Variants in FAAH2 observed in about 807,000 individuals in gnomAD.
FAAH2 encodes fatty-acid amide hydrolase 2.
FAAH2 carries 60 observed loss-of-function variants against 36.9 expected under a neutral mutation model. The observed-to-expected ratio is 1.63, with a 90% confidence interval of 1.32 to 2.02. The LOEUF (loss-of-function observed/expected upper bound fraction) is 2.02. Among genes scored for constraint, FAAH2 ranks in the 30% most tolerant of loss-of-function variants. FAAH2 has a pLI of 0.00. For missense variants in FAAH2, 689 were observed against 397.5 expected (o/e 1.73, Z -6.23); for synonymous variants, 214 against 143.8 (o/e 1.49, Z -3.49).
chrX:57,232,844 C>G, the FAAH2 span, among the ~76,000 whole-genome samples: 2 of 112,392 alleles, frequency 1.8e-5, no homozygotes, highest in African/African-American at 6.5e-5. Context: ...AGTGGTATCT[C>G]TACAAACTCT....
rs1184205858 is a variant in FAAH2 at position 57,460,089 on chromosome X, G to A, written c.1423+11371G>A. 1.6e-4 allele frequency among the ~76,000 whole-genome samples: 18 copies of A among 110,615 alleles called. No homozygotes were observed. In the Admixed American group the frequency reaches 1.7e-3, roughly 11 times the overall value. ...TGTTCTAAACCAATGCAAGGAAGGC[G>A]TGAAGACAAGATTAGAGAAAAAAGA... On this transcript the variant is annotated intron_variant, in intron 10 of 10. Transcript: ENST00000374900.
At chrX:57,164,358 T>C in the FAAH2 span, among the ~76,000 whole-genome samples, 5 of 112,266 alleles carry the variant, frequency 4.5e-5, no homozygotes, top group Admixed American at 1.9e-4. Context: ...AGATTAGGAC[T>C]CCAGATTCCA....
chrX:57,186,005 C>T, the FAAH2 span, among the ~76,000 whole-genome samples: 1 of 111,216 alleles, frequency 9.0e-6, no homozygotes, highest in Admixed American at 9.6e-5. Flanking sequence ...ATTGCTATTG[C>T]AAATAGTGCT....
intron 3 of FAAH2, among the ~76,000 whole-genome samples, chrX:57,323,295 C>T (rs926692943): frequency 9.9e-5 from 11 of 111,509 alleles, no homozygotes; most frequent in Admixed American, 6.7e-4. Context: ...AATAAACATA[C>T]GTGTGCATGT....
At chrX:57,387,454 T>A (rs765496422) in intron 7 of FAAH2, among the ~76,000 whole-genome samples, 1 of 110,834 alleles carries the variant, frequency 9.0e-6, no homozygotes, top group East Asian at 2.8e-4. Context: ...ATATCAGCAA[T>A]AACCAGATAA....
intron 7 of FAAH2, among the ~76,000 whole-genome samples, chrX:57,427,956 A>G (rs986879582): frequency 1.1e-4 from 12 of 111,907 alleles, no homozygotes; most frequent in African/African-American, 3.6e-4. Context: ...AAAAGAAGTC[A>G]AATTATTTCT....
chrX:57,193,182 C>T, the FAAH2 span, among the ~76,000 whole-genome samples: 1 of 111,744 alleles, frequency 8.9e-6, no homozygotes, highest in East Asian at 2.8e-4. Flanking sequence ...AGAGAATGTG[C>T]CCCTGAGGGT....
the FAAH2 span, among the ~76,000 whole-genome samples, chrX:57,236,452 C>T: frequency 2.7e-5 from 3 of 112,326 alleles, no homozygotes; most frequent in Admixed American, 2.8e-4. Context: ...GTCTACAATC[C>T]TAGCAGTAGT....
chrX:57,238,120 C>T, the FAAH2 span, among the ~76,000 whole-genome samples: 1 of 111,453 alleles, frequency 9.0e-6, no homozygotes, highest in Admixed American at 9.5e-5. Flanking sequence ...ACAGAAATAC[C>T]ATTCAACCCA....
At chrX:57,399,232 G>T (rs1219664067) in intron 7 of FAAH2, among the ~76,000 whole-genome samples, 2 of 111,614 alleles carry the variant, frequency 1.8e-5, no homozygotes, top group Non-Finnish European at 1.9e-5. Flanking sequence ...CAGTGCAGGG[G>T]ATTATTTCTT....
chrX:57,348,920 G>A (rs1290828555), intron 5 of FAAH2, among the ~76,000 whole-genome samples: 1 of 106,935 alleles, frequency 9.4e-6, no homozygotes, highest in East Asian at 2.9e-4. Flanking sequence ...TAATTCACCA[G>A]CAAGAGATTC....
intron 8 of FAAH2, among the ~76,000 whole-genome samples, chrX:57,445,775 C>T (rs1392144590): frequency 1.8e-5 from 2 of 112,477 alleles, no homozygotes; most frequent in African/African-American, 6.4e-5. Context: ...GCTACATTGC[C>T]GGAGTTAAAG....
intron 7 of FAAH2, among the ~76,000 whole-genome samples, chrX:57,429,768 G>A (rs1439863366): frequency 9.0e-6 from 1 of 111,574 alleles, no homozygotes; most frequent in Non-Finnish European, 1.9e-5. Context: ...AAAAGATATA[G>A]AATCAACTAA....
intron 10 of FAAH2, among the ~76,000 whole-genome samples, chrX:57,478,212 T>A (rs1468563917): frequency 8.9e-6 from 1 of 112,006 alleles, no homozygotes; most frequent in Non-Finnish European, 1.9e-5. Context: ...CTCATTGTGG[T>A]TTTGATATGC....
At chrX:57,449,368 A>T (rs1197563353) in intron 10 of FAAH2, among the ~76,000 whole-genome samples, 1 of 111,708 alleles carries the variant, frequency 9.0e-6, no homozygotes, top group Non-Finnish European at 1.9e-5. Context: ...CCTGTGGTCC[A>T]CTTAAAGTTA....
chrX:57,364,841 T>C (rs1007953483), intron 5 of FAAH2, among the ~76,000 whole-genome samples: 3 of 111,665 alleles, frequency 2.7e-5, no homozygotes, highest in African/African-American at 9.7e-5. Flanking sequence ...TGTTGCTTAA[T>C]TTCCATGTAA....
At chrX:57,289,442 C>T (rs2051913281) in intron 1 of FAAH2, among the ~76,000 whole-genome samples, 1 of 110,992 alleles carries the variant, frequency 9.0e-6, no homozygotes, top group South Asian at 3.9e-4. Flanking sequence ...CAACTTATGG[C>T]CACCATCATA....
chrX:57,384,610 C>G (rs1469304615), intron 7 of FAAH2, among the ~76,000 whole-genome samples: 8 of 110,940 alleles, frequency 7.2e-5, no homozygotes, highest in African/African-American at 2.6e-4. Context: ...AAATGCAAAT[C>G]AAAACCACAA....
chrX:57,136,036 T>G, the FAAH2 span: 1 of 1,204,116 alleles, frequency 8.3e-7, no homozygotes, highest in Non-Finnish European at 1.1e-6. Flanking sequence ...TCTGGCATGA[T>G]GCGGAGGTCA....
Sources: allele counts gnomAD v4.1 joint callset (sites outside exome capture counted in the v4.1 genomes callset), GRCh38; gene constraint gnomAD v4.1.1; transcripts MANE v1.5; gene names NCBI Gene and HGNC (gene_info 2026-07-23, HGNC 2026-07-21).